Variants in CSTL1 observed in about 807,000 individuals in gnomAD.
CSTL1 encodes cystatin-like 1.
A neutral mutation model predicts 14.4 loss-of-function variants in CSTL1; 14 were observed. The observed-to-expected ratio is 0.97, with a 90% CI of 0.64 to 1.52. CSTL1 has a LOEUF of 1.52. Ranked by LOEUF, CSTL1 falls within the 40% of genes most tolerant of loss-of-function variation. The pLI is 0.00. For synonymous variants in CSTL1, 72 were observed against 67.5 expected (o/e 1.07, Z -0.33); for missense variants, 170 against 168.7 (o/e 1.01, Z -0.04).
At chr20:23,450,668 G>A in the CSTL1 span, 17 of 1,032,604 alleles carry the variant, frequency 1.6e-5, no homozygotes, top group Admixed American at 2.0e-4. Context: ...TGTAAGACAC[G>A]AAGATGGAGA....
chr20:23,452,248 G>T, the CSTL1 span, among the ~76,000 whole-genome samples: 1 of 152,150 alleles, frequency 6.6e-6, no homozygotes, highest in Non-Finnish European at 1.5e-5. Context: ...TGGCCATGTG[G>T]TCTCTGTAAC....
At chr20:23,448,766 T>G (rs1218669798), downstream of CSTL1, among the ~76,000 whole-genome samples, 1 of 152,212 alleles carries the variant, frequency 6.6e-6, no homozygotes, top group Admixed American at 6.5e-5. Flanking sequence ...GTGTTGACTG[T>G]TGACTGGTAT....
At chr20:23,444,150 G>T in intron 3 of CSTL1, 106 bp downstream of exon 3, 1 of 959,966 alleles carries the variant, frequency 1.0e-6, no homozygotes. Flanking sequence ...GGCCAGCTGG[G>T]GCCCAGCCCT....
At chr20:23,448,851 G>T (rs1417647088), downstream of CSTL1, among the ~76,000 whole-genome samples, 1 of 152,092 alleles carries the variant, frequency 6.6e-6, no homozygotes, top group Non-Finnish European at 1.5e-5. Flanking sequence ...TTCGTGTTAG[G>T]CACTGTGTTA....
rs746460704 is a variant in CSTL1, at chr20:23,444,888, T to C, written c.*10T>C. 1.3e-6 allele frequency: 2 copies of C among 1,572,628 alleles called. No homozygotes were observed. The highest frequency in any genetic ancestry group is 1.1e-5 in the South Asian group (1 of 90,298). Reference sequence around the variant, plus strand: ...CAGAAACCTCAGATGAGGGCTCATATGATTGAGTTGTGCACTGGCTGTTAT... The same window carrying C: ...CAGAAACCTCAGATGAGGGCTCATACGATTGAGTTGTGCACTGGCTGTTAT... On this transcript the variant is annotated 3_prime_UTR_variant, in exon 4 of 4. Coordinates refer to ENST00000347397, the MANE Select transcript of CSTL1 (RefSeq NM_138283.1).
At chr20:23,450,655 G>C in the CSTL1 span, 17 of 1,238,198 alleles carry the variant, frequency 1.4e-5, no homozygotes, top group Non-Finnish European at 1.7e-5. Flanking sequence ...AGAAGGAAGA[G>C]GATGTAAGAC....
intron 1 of CSTL1, 97 bp downstream of exon 1, chr20:23,439,903 G>C (rs1408623268): frequency 3.8e-6 from 1 of 265,424 alleles, no homozygotes; most frequent in African/African-American, 2.2e-5. Context: ...CTTCCTGTAA[G>C]TGATGCTTCT....
At chr20:23,459,448 T>A in the CSTL1 span, 8 of 152,206 alleles carry the variant, frequency 5.3e-5, no homozygotes, top group Non-Finnish European at 1.2e-4. Context: ...TTTAAAAAAA[T>A]GTTCAATTAT....
intron 2 of CSTL1, among the ~76,000 whole-genome samples, chr20:23,441,864 C>G (rs565323669): frequency 2.0e-4 from 30 of 152,304 alleles, no homozygotes; most frequent in Admixed American, 1.2e-3. Flanking sequence ...TGGGAAAGCT[C>G]TCTCGCCAGA....
intron 2 of CSTL1, 64 bp from the exon 3 acceptor site, chr20:23,443,870 C>T: frequency 8.1e-7 from 1 of 1,238,912 alleles, no homozygotes; most frequent in South Asian, 1.2e-5. Flanking sequence ...CCTAGCTTCT[C>T]CAGGAGAGGG....
downstream of CSTL1, among the ~76,000 whole-genome samples, chr20:23,447,381 G>C (rs2123320202): frequency 6.6e-6 from 1 of 152,068 alleles, no homozygotes; most frequent in African/African-American, 2.4e-5. Context: ...GTCGTTTTCA[G>C]CTTCTAAGAA....
At chr20:23,440,087 T>C in intron 1 of CSTL1, 57 bp from the exon 2 acceptor site, 1 of 653,664 alleles carries the variant, frequency 1.5e-6, no homozygotes, top group Admixed American at 2.9e-5. Flanking sequence ...GGGTAGAAAA[T>C]GAACTGGCTG....
chr20:23,454,889 A>C, the CSTL1 span, among the ~76,000 whole-genome samples: 1 of 152,202 alleles, frequency 6.6e-6, no homozygotes, highest in East Asian at 1.9e-4. Context: ...GCCTGCAATA[A>C]AGACTGCATT....
chr20:23,453,125 C>T, the CSTL1 span, among the ~76,000 whole-genome samples: 3 of 147,274 alleles, frequency 2.0e-5, no homozygotes, highest in South Asian at 2.2e-4. Flanking sequence ...GGGAGCCAGG[C>T]GAGGGCCCCT....
chr20:23,444,768 C>T lies in CSTL1; in HGVS notation c.331-3C>T. 1 of 1,596,652 alleles carries T rather than the reference C, an allele frequency of 6.3e-7. No individual in the cohort carries two copies. The highest frequency in any genetic ancestry group is 1.3e-5 in the African/African-American group (1 of 74,694). On this transcript the variant is annotated splice_polypyrimidine_tract_variant and splice_region_variant and intron_variant, in intron 3 of 3. Transcript: ENST00000347397. ...AAAGTCTGTTTTCTTTCTTCTTCTA[C>T]AGAGTTTAATTTGCGAGTCTTTGAT...
At chr20:23,440,754 CTCT>C in intron 2 of CSTL1, 2 of 447,454 alleles carry the variant, frequency 4.5e-6, no homozygotes, top group East Asian at 5.2e-5. Context: ...GAGGATTAAA[CTCT>C]TTTTTTTTTT....
the CSTL1 span, among the ~76,000 whole-genome samples, chr20:23,455,206 T>C: frequency 6.6e-6 from 1 of 152,202 alleles, no homozygotes; most frequent in Non-Finnish European, 1.5e-5. Flanking sequence ...AACTCTTGTA[T>C]AGTAAAGTTT....
intron 2 of CSTL1, 137 bp from the exon 3 acceptor site, chr20:23,443,797 C>T (rs1016749435): frequency 1.6e-6 from 1 of 630,046 alleles, no homozygotes; most frequent in Non-Finnish European, 2.8e-6. Context: ...GAGAAGGGAG[C>T]CATGCTTTTG....
downstream of CSTL1, among the ~76,000 whole-genome samples, chr20:23,447,311 T>C (rs2093324395): frequency 6.6e-6 from 1 of 152,240 alleles, no homozygotes; most frequent in Non-Finnish European, 1.5e-5. Flanking sequence ...CTTTATTGTA[T>C]AGAATTGCTT....
Sources: gnomAD v4.1 joint callset for allele counts (sites outside exome capture counted in the v4.1 genomes callset) on GRCh38, gnomAD v4.1.1 for gene constraint, MANE v1.5 for transcripts, NCBI Gene and HGNC (gene_info 2026-07-23, HGNC 2026-07-21) for gene names.